The following UNC13C variants were observed in gnomAD, a reference collection of about 807,000 sequenced individuals.
UNC13C encodes the protein protein unc-13 homolog C.
Under a neutral mutation model 245.4 loss-of-function variants are expected in UNC13C, and 174 were observed. The ratio of observed to expected loss-of-function variants is 0.71; its 90% confidence interval spans 0.63 to 0.80. UNC13C has a LOEUF of 0.80. Ranked by LOEUF, UNC13C falls within the 30% of genes least tolerant of loss-of-function variation. UNC13C has a pLI of 0.00. For synonymous variants in UNC13C, 992 were observed against 895.1 expected, an observed-to-expected ratio of 1.11 and a Z score of -1.93; for missense variants, 2,829 against 2,602.9, an observed-to-expected ratio of 1.09 and a Z score of -1.89.
At chr15:54,234,094 A>G (rs1470313172) in intron 4 of UNC13C, among the ~76,000 whole-genome samples, 2 of 147,204 alleles carry the variant, frequency 1.4e-5, no homozygotes, top group Non-Finnish European at 3.0e-5. Context: ...GAATATTATC[A>G]AGTTTATAAC....
At chr15:53,849,235 C>A in the UNC13C span, among the ~76,000 whole-genome samples, 2 of 151,834 alleles carry the variant, frequency 1.3e-5, no homozygotes, top group Admixed American at 1.3e-4. Flanking sequence ...ATTAAACCTA[C>A]CATGTTGTTG....
chr15:53,993,995 A>G (rs938735855), intron 1 of UNC13C, among the ~76,000 whole-genome samples: 1 of 152,138 alleles, frequency 6.6e-6, no homozygotes, highest in Non-Finnish European at 1.5e-5. Context: ...TGTGCTTATT[A>G]TAGGTATAAA....
intron 19 of UNC13C, among the ~76,000 whole-genome samples, chr15:54,465,669 T>C (rs1036965338): frequency 1.3e-5 from 2 of 151,922 alleles, no homozygotes; most frequent in East Asian, 1.9e-4. Flanking sequence ...GCAGGAATAG[T>C]AGTATGATTC....
chr15:54,540,440 T>C (rs1256724336), intron 26 of UNC13C, among the ~76,000 whole-genome samples: 1 of 152,098 alleles, frequency 6.6e-6, no homozygotes, highest in African/African-American at 2.4e-5. Flanking sequence ...CCAATCTAGA[T>C]AGCTCAGGTT....
chr15:54,148,071 C>A (rs574937364), intron 4 of UNC13C, among the ~76,000 whole-genome samples: 1 of 152,170 alleles, frequency 6.6e-6, no homozygotes, highest in East Asian at 1.9e-4. Flanking sequence ...AATGATTGAA[C>A]CTTATCAGGA....
chr15:53,860,688 A>G, the UNC13C span, among the ~76,000 whole-genome samples: 1 of 152,204 alleles, frequency 6.6e-6, no homozygotes, highest in Non-Finnish European at 1.5e-5. Flanking sequence ...TTCGTATAAC[A>G]TGCTTTTCAG....
At chr15:54,322,720 T>C (rs1407258446) in intron 14 of UNC13C, among the ~76,000 whole-genome samples, 1 of 152,034 alleles carries the variant, frequency 6.6e-6, no homozygotes, top group African/African-American at 2.4e-5. Flanking sequence ...TCTCTGCAAG[T>C]ATACTGTAAC....
intron 5 of UNC13C, 93 bp downstream of exon 5, chr15:54,235,201 A>G: frequency 1.9e-6 from 2 of 1,040,444 alleles, no homozygotes; most frequent in Non-Finnish European, 2.9e-6. Context: ...TCTAGCCTGT[A>G]AATATTCCAT....
intron 25 of UNC13C, 110 bp downstream of exon 25, chr15:54,525,747 G>A: frequency 1.2e-6 from 1 of 866,424 alleles, no homozygotes; most frequent in Non-Finnish European, 1.8e-6. Flanking sequence ...TTAACTTCAA[G>A]ACCCAATCTA....
chr15:53,842,422 G>T, the UNC13C span, among the ~76,000 whole-genome samples: 6 of 152,214 alleles, frequency 3.9e-5, no homozygotes, highest in Non-Finnish European at 8.8e-5. Flanking sequence ...TTCAGATAGG[G>T]CTGACAATGT....
At chr15:54,510,148 A>G (rs1894669771) in intron 23 of UNC13C, among the ~76,000 whole-genome samples, 1 of 152,176 alleles carries the variant, frequency 6.6e-6, no homozygotes, top group South Asian at 2.1e-4. Flanking sequence ...CTATCAAGCT[A>G]ACTTAGACAT....
Position 54,438,431 on chromosome 15 carries a change from A to G in UNC13C, c.4933+23364A>G, listed in dbSNP as rs1369707024. Among the ~76,000 whole-genome samples the G allele has an allele frequency of 8.6e-5, 13 of 151,970 alleles. No homozygotes were observed. The East Asian group carries it at 1.7e-3, about 20-fold the overall frequency. The stretch of plus-strand genomic sequence containing the variant: ...TTTGTCTAAGTCTTTGTGTTCACCA[A>G]TTGTAAGCAAGCACATTTTTAAAAT... On this transcript the variant is annotated intron_variant, in intron 19 of 32. Transcript: ENST00000260323.
At chr15:54,382,884 A>G (rs892938138) in intron 17 of UNC13C, among the ~76,000 whole-genome samples, 1 of 152,186 alleles carries the variant, frequency 6.6e-6, no homozygotes, top group African/African-American at 2.4e-5. Flanking sequence ...GATATTTTGA[A>G]ATACAAAAGA....
the UNC13C span, among the ~76,000 whole-genome samples, chr15:53,914,984 A>G: frequency 6.6e-6 from 1 of 152,206 alleles, no homozygotes; most frequent in Non-Finnish European, 1.5e-5. Flanking sequence ...CAATACCTAA[A>G]GTATAAGAAG....
At chr15:54,436,551 A>G (rs1257918607) in intron 19 of UNC13C, among the ~76,000 whole-genome samples, 1 of 152,010 alleles carries the variant, frequency 6.6e-6, no homozygotes, top group Admixed American at 6.6e-5. Context: ...TTCTCAGCAA[A>G]CTAACACAGG....
chr15:53,870,546 C>T, the UNC13C span, among the ~76,000 whole-genome samples: 1 of 151,968 alleles, frequency 6.6e-6, no homozygotes, highest in African/African-American at 2.4e-5. Context: ...TACCTTCCTA[C>T]CACTGCTTGT....
At position 54,492,481 on chromosome 15, in the gene UNC13C, A is replaced by G. The variant is rs1325401879; in HGVS notation, c.4934-2127A>G. ...AGTTGGCAAAGAAGTATCAGGCTTC[A>G]TGTATATTAACATAGAAATTTACAT... On this transcript the variant is annotated intron_variant, in intron 19 of 32. Coordinates refer to ENST00000260323, the MANE Select transcript of UNC13C (RefSeq NM_001080534.3). Among the ~76,000 whole-genome samples, 5 of 152,322 alleles carry G rather than the reference A, an allele frequency of 3.3e-5. No individual in the cohort carries two copies. The East Asian group carries it at 7.7e-4, about 23-fold the overall frequency.
chr15:54,228,595 T>G (rs1254170218), intron 4 of UNC13C, among the ~76,000 whole-genome samples: 1 of 152,160 alleles, frequency 6.6e-6, no homozygotes, highest in Non-Finnish European at 1.5e-5. Flanking sequence ...GACTGGATTC[T>G]TCCCTTCAAG....
In UNC13C at chr15:54,012,871, C is replaced by T. The variant is rs1446348249; in HGVS notation, c.-33C>T. 1 of 1,504,746 alleles carries T rather than the reference C, an allele frequency of 6.6e-7. No homozygotes were observed. The highest frequency in any genetic ancestry group is 2.3e-5 in the East Asian group (1 of 44,250). The allele number at this position is 1,504,746 out of a possible 1,614,324, so 93.2% of individuals were successfully genotyped here. On this transcript the variant is annotated 5_prime_UTR_variant, in exon 2 of 33. Transcript: ENST00000260323. ...TTCATCCTGATACTTGTTTACTTTT[C>T]TGGGGCAGAAAAGCTTGCACTAATT...
Sources: allele counts gnomAD v4.1 joint callset (sites outside exome capture counted in the v4.1 genomes callset), GRCh38; gene constraint gnomAD v4.1.1; transcripts MANE v1.5; gene names NCBI Gene and HGNC (gene_info 2026-07-23, HGNC 2026-07-21).